Variants in ARMC3 observed in about 807,000 individuals in gnomAD.
ARMC3 encodes armadillo repeat-containing protein 3.
In ARMC3, 74 loss-of-function variants were observed where a neutral mutation model predicts 90.3. That is an observed-to-expected ratio of 0.82 (90% CI 0.68 to 0.99). ARMC3 has a LOEUF of 0.99. Ranked by LOEUF, ARMC3 falls within the 50% of genes least tolerant of loss-of-function variation. ARMC3 has a pLI of 0.00. For missense variants in ARMC3, 958 were observed against 1,042.8 expected, an observed-to-expected ratio of 0.92 and a Z score of 1.12; for synonymous variants, 334 against 361.8, an observed-to-expected ratio of 0.92 and a Z score of 0.87.
chr10:23,034,642 G>C (rs920154075), intron 18 of ARMC3, among the ~76,000 whole-genome samples: 2 of 152,102 alleles, frequency 1.3e-5, no homozygotes, highest in Non-Finnish European at 2.9e-5. Flanking sequence ...TCTCATTTTT[G>C]TCCTAACTCA....
intron 16 of ARMC3, among the ~76,000 whole-genome samples, chr10:23,019,467 C>G (rs1838418825): frequency 6.6e-6 from 1 of 152,168 alleles, no homozygotes; most frequent in Non-Finnish European, 1.5e-5. Context: ...GGATACAAAA[C>G]AGTTCCATCA....
At chr10:22,951,173 G>A (rs1437598751) in intron 3 of ARMC3, among the ~76,000 whole-genome samples, 3 of 152,132 alleles carry the variant, frequency 2.0e-5, no homozygotes, top group East Asian at 3.9e-4. Context: ...TCCTGACCTC[G>A]TGATCCACCT....
intron 7 of ARMC3, among the ~76,000 whole-genome samples, chr10:22,967,120 G>A (rs778099794): frequency 6.6e-6 from 1 of 152,100 alleles, no homozygotes; most frequent in Non-Finnish European, 1.5e-5. Context: ...TCGAGTCCAG[G>A]GGTGCTGTAC....
At chr10:22,951,023 C>T (rs1410513124) in intron 3 of ARMC3, among the ~76,000 whole-genome samples, 6 of 151,538 alleles carry the variant, frequency 4.0e-5, no homozygotes, top group South Asian at 4.2e-4. Context: ...CTGCAAGCTC[C>T]GCCTCCCGGC....
intron 18 of ARMC3, among the ~76,000 whole-genome samples, chr10:23,036,473 A>G (rs901335413): frequency 1.3e-5 from 2 of 152,206 alleles, no homozygotes; most frequent in Non-Finnish European, 2.9e-5. Flanking sequence ...TCGCTGCTTT[A>G]AGCACTGGAC....
chr10:22,985,577 C>A (rs1032315644), intron 10 of ARMC3, among the ~76,000 whole-genome samples: 1 of 152,120 alleles, frequency 6.6e-6, no homozygotes, highest in Non-Finnish European at 1.5e-5. Flanking sequence ...TACAGGAGGG[C>A]CTGATGCCTC....
intron 2 of ARMC3, among the ~76,000 whole-genome samples, chr10:22,943,867 G>A (rs904922234): frequency 2.0e-5 from 3 of 151,760 alleles, no homozygotes; most frequent in Admixed American, 1.3e-4. Context: ...CCAGGAGGTG[G>A]AGGTTGCAGT....
intron 8 of ARMC3, 89 bp from the exon 9 acceptor site, chr10:22,981,251 A>C (rs1203759721): frequency 3.6e-5 from 45 of 1,236,360 alleles, no homozygotes; most frequent in Non-Finnish European, 5.0e-5. Flanking sequence ...AATTGTTTGA[A>C]TTCCTATTAG....
intron 3 of ARMC3, among the ~76,000 whole-genome samples, chr10:22,954,779 T>C (rs568099790): frequency 2.6e-5 from 4 of 152,252 alleles, no homozygotes; most frequent in Admixed American, 6.5e-5. Context: ...TTTTGCATTG[T>C]ATTAGTCAGG....
At chr10:22,994,735 G>A (rs1350267846) in intron 10 of ARMC3, among the ~76,000 whole-genome samples, 1 of 152,202 alleles carries the variant, frequency 6.6e-6, no homozygotes, top group Non-Finnish European at 1.5e-5. Flanking sequence ...ACCCACAAGA[G>A]AGGATGCTGA....
chr10:23,024,700 C>T (rs1250795378), intron 16 of ARMC3, among the ~76,000 whole-genome samples: 2 of 151,916 alleles, frequency 1.3e-5, no homozygotes, highest in Non-Finnish European at 2.9e-5. Flanking sequence ...GCTCAAAAAG[C>T]CATAAATAAG....
rs12265141 is a variant in ARMC3, at chr10:23,037,867, G to A, written c.*388G>A. On this transcript the variant is annotated 3_prime_UTR_variant, in exon 19 of 19. Coordinates refer to ENST00000298032, the MANE Select transcript of ARMC3 (RefSeq NM_173081.5). ...TTCATGCCCAGAATGCTTCAGGCAT[G>A]CTCAGTTAAGCAAACTAAGTGAATT... 1,531 of 161,070 alleles carry A rather than the reference G, an allele frequency of 9.5e-3. 29 individuals carry two copies. The highest frequency in any genetic ancestry group is 0.035 in the African/African-American group (1,454 of 41,918). 10.0% of individuals were successfully genotyped at this position (161,070 alleles called of 1,614,324 possible). A position where few individuals can be genotyped will look rare whatever the true frequency, so the allele number is the denominator to read the frequency against.
chr10:23,000,307 C>T (rs1837221560), intron 11 of ARMC3, among the ~76,000 whole-genome samples: 1 of 152,098 alleles, frequency 6.6e-6, no homozygotes, highest in Non-Finnish European at 1.5e-5. Context: ...TTTCCCCCAC[C>T]TGATAAATTC....
At chr10:23,013,456 GT>G (rs1453157633) in intron 16 of ARMC3, among the ~76,000 whole-genome samples, 2 of 152,034 alleles carry the variant, frequency 1.3e-5, no homozygotes, top group Non-Finnish European at 1.5e-5. Context: ...TTTAGCTATA[GT>G]TTTTTCTCAC....
intron 7 of ARMC3, among the ~76,000 whole-genome samples, chr10:22,963,671 C>T (rs755789396): frequency 4.6e-5 from 7 of 151,922 alleles, no homozygotes; most frequent in Non-Finnish European, 8.8e-5. Flanking sequence ...GTGGGTGGAT[C>T]ACAAGGTCAG....
At chr10:22,950,500 A>G (rs553487674) in intron 3 of ARMC3, among the ~76,000 whole-genome samples, 1 of 152,272 alleles carries the variant, frequency 6.6e-6, no homozygotes, top group Admixed American at 6.5e-5. Flanking sequence ...AAATAAGCCA[A>G]TGAAAGAAAT....
At chr10:22,960,348 G>A (rs1835136298) in intron 6 of ARMC3, 1 of 152,940 alleles carries the variant, frequency 6.5e-6, no homozygotes, top group Non-Finnish European at 1.5e-5. Context: ...CGAGAGTGAA[G>A]AAGAGGATTA....
At chr10:23,004,436 G>GA (rs199594346) in intron 13 of ARMC3, among the ~76,000 whole-genome samples, 212 of 149,520 alleles carry the variant, frequency 1.4e-3, no homozygotes, top group East Asian at 5.7e-3. Context: ...AAAGGAAAAG[G>GA]AAAAAAAAAA....
intron 10 of ARMC3, among the ~76,000 whole-genome samples, chr10:22,990,880 T>C (rs140828982): frequency 3.3e-5 from 5 of 152,160 alleles, no homozygotes; most frequent in Non-Finnish European, 7.4e-5. Context: ...CACCTTGAAA[T>C]CATCTTTCAT....
Sources: allele counts gnomAD v4.1 joint callset (sites outside exome capture counted in the v4.1 genomes callset), GRCh38; gene constraint gnomAD v4.1.1; transcripts MANE v1.5; gene names NCBI Gene and HGNC (gene_info 2026-07-23, HGNC 2026-07-21).